Variants in NXPE2 observed in about 807,000 individuals in gnomAD.
The protein encoded by NXPE2 is NXPE family member 2.
Under a neutral mutation model 34.4 loss-of-function variants are expected in NXPE2, and 34 were observed. That is an observed-to-expected ratio of 0.99 (90% CI 0.75 to 1.31). The LOEUF is 1.31. NXPE2 is among the 40% of genes most tolerant of loss of function. The pLI, the probability that NXPE2 is intolerant of heterozygous loss-of-function variation, is 0.00. For missense variants in NXPE2, 649 were observed against 672.5 expected (o/e 0.97, Z 0.39); for synonymous variants, 235 against 231.3 (o/e 1.02, Z -0.15).
the NXPE2 span, among the ~76,000 whole-genome samples, chr11:114,717,574 G>A: frequency 2.0e-5 from 3 of 152,186 alleles, no homozygotes; most frequent in African/African-American, 7.2e-5. Flanking sequence ...CATAATCTTC[G>A]ATAAGTCATT....
At chr11:114,631,619 C>T in the NXPE2 span, among the ~76,000 whole-genome samples, 1 of 151,806 alleles carries the variant, frequency 6.6e-6, no homozygotes, top group Non-Finnish European at 1.5e-5. Context: ...CACATGTATA[C>T]ATATGTAACT....
At chr11:114,570,907 TAAGTG>T in the NXPE2 span, 358 of 1,486,796 alleles carry the variant, frequency 2.4e-4, no homozygotes, top group Non-Finnish European at 3.1e-4. Context: ...TTTTTTTACT[TAAGTG>T]AATGAATTTC....
chr11:114,594,641 C>A, the NXPE2 span: 5 of 1,475,968 alleles, frequency 3.4e-6, no homozygotes, highest in South Asian at 2.3e-5. Context: ...TTCTGTAAAC[C>A]ACATAAATAA....
the NXPE2 span, among the ~76,000 whole-genome samples, chr11:114,605,681 A>T: frequency 6.6e-6 from 1 of 151,754 alleles, no homozygotes; most frequent in Non-Finnish European, 1.5e-5. Context: ...CTCATGTGTA[A>T]CCATTGTTAC....
At chr11:114,510,331 T>A in the NXPE2 span, among the ~76,000 whole-genome samples, 2 of 152,184 alleles carry the variant, frequency 1.3e-5, no homozygotes, top group Non-Finnish European at 2.9e-5. Context: ...ACTCCTAGGC[T>A]TATGTGATCC....
chr11:114,635,494 G>T, the NXPE2 span, among the ~76,000 whole-genome samples: 1 of 151,552 alleles, frequency 6.6e-6, no homozygotes, highest in Non-Finnish European at 1.5e-5. Context: ...AGAACTTCCA[G>T]CACTCTGATG....
At chr11:114,623,554 G>T in the NXPE2 span, among the ~76,000 whole-genome samples, 2 of 151,928 alleles carry the variant, frequency 1.3e-5, no homozygotes, top group African/African-American at 4.8e-5. Context: ...CAGATAATAC[G>T]TATTGCCTCA....
the NXPE2 span, among the ~76,000 whole-genome samples, chr11:114,658,154 T>A: frequency 6.6e-6 from 1 of 152,316 alleles, no homozygotes; most frequent in Non-Finnish European, 1.5e-5. Flanking sequence ...TTCATTTAAC[T>A]TATTAGAAAT....
At chr11:114,770,550 T>A in the NXPE2 span, among the ~76,000 whole-genome samples, 1 of 152,262 alleles carries the variant, frequency 6.6e-6, no homozygotes, top group Non-Finnish European at 1.5e-5. Flanking sequence ...GAAAGCCGCA[T>A]AAATAGAGTT....
the NXPE2 span, among the ~76,000 whole-genome samples, chr11:114,777,472 A>G: frequency 6.6e-6 from 1 of 152,218 alleles, no homozygotes; most frequent in Non-Finnish European, 1.5e-5. Flanking sequence ...TAACATTCTC[A>G]GGGCACATTC....
chr11:114,794,715 G>C, the NXPE2 span, among the ~76,000 whole-genome samples: 1 of 152,262 alleles, frequency 6.6e-6, no homozygotes, highest in East Asian at 1.9e-4. Context: ...TCCTATCATA[G>C]AATAGGAAAT....
the NXPE2 span, among the ~76,000 whole-genome samples, chr11:114,560,555 C>A: frequency 6.6e-6 from 1 of 152,122 alleles, no homozygotes; most frequent in Non-Finnish European, 1.5e-5. Flanking sequence ...GCATGAGCCA[C>A]TTTTCCCAGC....
chr11:114,546,257 G>A, the NXPE2 span, among the ~76,000 whole-genome samples: 1 of 152,080 alleles, frequency 6.6e-6, no homozygotes, highest in Non-Finnish European at 1.5e-5. Context: ...GAACAAATAA[G>A]TAAATAAATA....
chr11:114,745,524 G>A, the NXPE2 span, among the ~76,000 whole-genome samples: 1 of 152,146 alleles, frequency 6.6e-6, no homozygotes, highest in Admixed American at 6.5e-5. Flanking sequence ...CTGGGGATCA[G>A]ATTTCAACAT....
At chr11:114,664,982 A>G in the NXPE2 span, among the ~76,000 whole-genome samples, 17 of 152,254 alleles carry the variant, frequency 1.1e-4, no homozygotes, top group African/African-American at 3.8e-4. Flanking sequence ...TATTAAATGC[A>G]TTTTCAACTT....
chr11:114,723,669 TTTGAC>T, the NXPE2 span, among the ~76,000 whole-genome samples: 1 of 152,180 alleles, frequency 6.6e-6, no homozygotes, highest in South Asian at 2.1e-4. Flanking sequence ...AAACCACTCT[TTTGAC>T]TAGTGCAGTG....
At chr11:114,678,517 AG>A (rs1950883832), upstream of NXPE2, 1 of 1,362,660 alleles carries the variant, frequency 7.3e-7, no homozygotes, top group Admixed American at 2.1e-5. Context: ...ATAAATGCAA[AG>A]ACTGCTTTAA....
the NXPE2 span, among the ~76,000 whole-genome samples, chr11:114,489,034 C>T: frequency 7.9e-5 from 12 of 152,326 alleles, no homozygotes; most frequent in South Asian, 2.5e-3. Context: ...GATATGACCA[C>T]TGATCCTCCA....
At chr11:114,661,838 G>GA in the NXPE2 span, among the ~76,000 whole-genome samples, 1 of 152,002 alleles carries the variant, frequency 6.6e-6, no homozygotes, top group Non-Finnish European at 1.5e-5. Flanking sequence ...GAGGTTGACA[G>GA]AAAAAAAATT....
Sources: gnomAD v4.1 joint callset for allele counts (sites outside exome capture counted in the v4.1 genomes callset) on GRCh38, gnomAD v4.1.1 for gene constraint, MANE v1.5 for transcripts, NCBI Gene and HGNC (gene_info 2026-07-23, HGNC 2026-07-21) for gene names.